The following DEFB112 variants were observed in gnomAD, a reference collection of about 807,000 sequenced individuals.
DEFB112 encodes the protein beta-defensin 112.
In DEFB112, 2 loss-of-function variants were observed where a neutral mutation model predicts 1.1. The observed-to-expected ratio is 1.85, with a 90% CI of 0.76 to 5.83. DEFB112 has a LOEUF of 5.83. Among genes scored for constraint, DEFB112 ranks in the 30% most tolerant of loss-of-function variants. The pLI is 0.05. For synonymous variants in DEFB112, 40 were observed against 31.2 expected, an observed-to-expected ratio of 1.28 and a Z score of -0.93; for missense variants, 120 against 94.4, an observed-to-expected ratio of 1.27 and a Z score of -1.12.
At chr6:50,045,289 T>G (rs150486750) in intron 1 of DEFB112, among the ~76,000 whole-genome samples, 1 of 151,998 alleles carries the variant, frequency 6.6e-6, no homozygotes, top group African/African-American at 2.4e-5. Flanking sequence ...CAGAGCCTAA[T>G]GTAGCACTGT....
At position 50,043,556 on chromosome 6, in the gene DEFB112, T is replaced by A. The variant is rs1774780356; in HGVS notation, c.*19A>T. On this transcript the variant is annotated 3_prime_UTR_variant, in exon 2 of 2. Transcript: ENST00000651554. ...GAGGACTTCATTCAGATGTATCATC[T>A]TCTTGTGCATGGATTTCTTCAATGA... The A allele has an allele frequency of 6.3e-7, 1 of 1,595,190 alleles. No homozygotes were observed. The highest frequency in any genetic ancestry group is 8.6e-7 in the Non-Finnish European group (1 of 1,164,600).
chr6:50,048,689 T>A (rs750560210), intron 1 of DEFB112: 1 of 1,463,878 alleles, frequency 6.8e-7, no homozygotes, highest in Admixed American at 2.0e-5. Flanking sequence ...CACTGTAAAG[T>A]GAAAAAATTA....
At chr6:50,048,623 A>G (rs1176901541) in intron 1 of DEFB112, 3 of 1,613,210 alleles carry the variant, frequency 1.9e-6, no homozygotes, top group Non-Finnish European at 2.5e-6. Flanking sequence ...TTCAAGTTTC[A>G]GTCTACATAT....
At chr6:50,048,041 G>A (rs962899114) in intron 1 of DEFB112, among the ~76,000 whole-genome samples, 7 of 151,824 alleles carry the variant, frequency 4.6e-5, no homozygotes, top group South Asian at 2.1e-4. Context: ...CAGCTACTCC[G>A]GAGGCTGAAG....
At position 50,042,429 on chromosome 6, in the gene DEFB112, T is replaced by A. The variant is rs889108547; in HGVS notation, c.*1146A>T. 2.0e-5 allele frequency among the ~76,000 whole-genome samples: 3 copies of A among 152,026 alleles called. No homozygotes were observed. The highest frequency in any genetic ancestry group is 4.4e-5 in the Non-Finnish European group (3 of 67,948). The stretch of plus-strand genomic sequence containing the variant: ...ACAGCAGCATAAGAAACCTACCAGG[T>A]ACAAGTAGCCTCAACTTAAATACCT... On this transcript the variant is annotated 3_prime_UTR_variant, in exon 2 of 2. Coordinates refer to ENST00000651554, the MANE Select transcript of DEFB112 (RefSeq NM_001369057.2).
intron 1 of DEFB112, among the ~76,000 whole-genome samples, chr6:50,046,286 T>C (rs933105744): frequency 6.6e-6 from 1 of 151,116 alleles, no homozygotes; most frequent in Non-Finnish European, 1.5e-5. Context: ...ATACAGTTTG[T>C]TTGTTTCTGG....
In DEFB112 at chr6:50,049,134, C is replaced by G. The variant is rs182165826; in HGVS notation, c.58+678G>C. Among the ~76,000 whole-genome samples, 720 of 152,134 alleles carry G rather than the reference C, an allele frequency of 4.7e-3. 2 individuals carry two copies. Among genetic ancestry groups the G allele is most frequent in the Non-Finnish European group, 7.9e-3 (535 of 67,936 alleles). The stretch of plus-strand genomic sequence containing the variant: ...TAACTGAAGTTCACCTCCTTGTCCC[C>G]TTTTGGTGAGAAATTATTAGCTAAA... On this transcript the variant is annotated intron_variant, in intron 1 of 1. Transcript: ENST00000651554.
chr6:50,045,272 A>G (rs896222727), intron 1 of DEFB112, among the ~76,000 whole-genome samples: 2 of 152,060 alleles, frequency 1.3e-5, no homozygotes, highest in African/African-American at 2.4e-5. Context: ...AACACAAAAT[A>G]TAAATGCAGA....
intron 1 of DEFB112, 134 bp from the exon 2 acceptor site, chr6:50,043,935 C>T (rs541682483): frequency 2.7e-6 from 2 of 752,626 alleles, no homozygotes; most frequent in Admixed American, 2.7e-5. Context: ...TTTTTTTGTC[C>T]ATATCAGAGA....
rs9463567 is a variant in DEFB112, at chr6:50,043,393, G to T, written c.*182C>A. Among the ~76,000 whole-genome samples the T allele has an allele frequency of 0.015, 2,247 of 152,034 alleles. 56 individuals carry two copies. Among genetic ancestry groups the T allele is most frequent in the African/African-American group, 0.052 (2,139 of 41,492 alleles). On this transcript the variant is annotated 3_prime_UTR_variant, in exon 2 of 2. Coordinates refer to ENST00000651554, the MANE Select transcript of DEFB112 (RefSeq NM_001369057.2). ...ATTCCAGAGTTCAAATCCCTGCTTT[G>T]TATTCTGATTCTTTCTTCTAAGCAA...
chr6:50,044,217 C>T lies in DEFB112; in HGVS notation c.59-416G>A, dbSNP rs115936589. ...ATTGTTCTTTTTAACCTGACTTGAG[C>T]AGTTCTAAAATATTGAAAGATACAA... On this transcript the variant is annotated intron_variant, in intron 1 of 1. Transcript: ENST00000651554. 8.7e-3 allele frequency among the ~76,000 whole-genome samples: 1,331 copies of T among 152,148 alleles called. 30 individuals are homozygous for T. The highest frequency in any genetic ancestry group is 0.03 in the African/African-American group (1,248 of 41,534).
intron 1 of DEFB112, among the ~76,000 whole-genome samples, chr6:50,048,235 A>G (rs574420581): frequency 1.3e-5 from 2 of 152,316 alleles, no homozygotes; most frequent in East Asian, 3.9e-4. Context: ...ACATTAAAAC[A>G]TTTTAAAAAG....
intron 1 of DEFB112, among the ~76,000 whole-genome samples, chr6:50,049,611 A>G (rs999329643): frequency 7.9e-5 from 12 of 152,272 alleles, no homozygotes; most frequent in African/African-American, 2.9e-4. Context: ...TCATGTAATT[A>G]AGGTGAATTA....
At chr6:50,047,655 C>G (rs1176465541) in intron 1 of DEFB112, among the ~76,000 whole-genome samples, 1 of 152,136 alleles carries the variant, frequency 6.6e-6, no homozygotes, top group African/African-American at 2.4e-5. Context: ...TCCAGTGAAA[C>G]TTAGTCAAAA....
rs368786449 is a variant in DEFB112, at chr6:50,044,885, G to A, written c.59-1084C>T. On this transcript the variant is annotated intron_variant, in intron 1 of 1. Coordinates refer to ENST00000651554, the MANE Select transcript of DEFB112 (RefSeq NM_001369057.2). ...TTTTATTCTGTAATTAACCATTTTC[G>A]TGTCCATCTTTTTAAATAAAATACA... Among the ~76,000 whole-genome samples the A allele has an allele frequency of 9.9e-5, 15 of 151,760 alleles. No individual in the cohort carries two copies. In the South Asian group the frequency reaches 2.1e-3, roughly 21 times the overall value.
At chr6:50,049,521 A>G (rs1323277127) in intron 1 of DEFB112, among the ~76,000 whole-genome samples, 3 of 152,092 alleles carry the variant, frequency 2.0e-5, no homozygotes, top group African/African-American at 2.4e-5. Context: ...ATAAATACAC[A>G]TTTCATGGAT....
chr6:50,048,544 G>A, intron 1 of DEFB112: 2 of 1,612,666 alleles, frequency 1.2e-6, no homozygotes, highest in Non-Finnish European at 1.7e-6. Flanking sequence ...TACCTGTGCT[G>A]ATTTTCTCTG....
intron 1 of DEFB112, among the ~76,000 whole-genome samples, chr6:50,049,003 A>C (rs1582383937): frequency 6.6e-6 from 1 of 152,218 alleles, no homozygotes; most frequent in South Asian, 2.1e-4. Context: ...ACCTCAGAAA[A>C]GTTCTAAATA....
At chr6:50,046,563 C>A (rs1192975254) in intron 1 of DEFB112, among the ~76,000 whole-genome samples, 1 of 151,890 alleles carries the variant, frequency 6.6e-6, no homozygotes, top group East Asian at 1.9e-4. Flanking sequence ...TTAGCATTTT[C>A]TTGATTGCAA....
Sources: allele counts gnomAD v4.1 joint callset (sites outside exome capture counted in the v4.1 genomes callset), GRCh38; gene constraint gnomAD v4.1.1; transcripts MANE v1.5; gene names NCBI Gene and HGNC (gene_info 2026-07-23, HGNC 2026-07-21).